Variants in PDGFRB observed in about 807,000 individuals in gnomAD.
PDGFRB encodes platelet derived growth factor receptor beta.
Under a neutral mutation model 120.2 loss-of-function variants are expected in PDGFRB, and 42 were observed. The ratio of observed to expected loss-of-function variants is 0.35; its 90% confidence interval spans 0.27 to 0.45. The LOEUF is 0.45. PDGFRB is among the 20% of genes least tolerant of loss of function. The pLI is 1.00. For synonymous variants in PDGFRB, 586 were observed against 606.8 expected (o/e 0.97, Z 0.50); for missense variants, 1,149 against 1,476.3 (o/e 0.78, Z 3.63).
In PDGFRB at chr5:150,119,521, T is replaced by C. The variant is rs754345719; in HGVS notation, c.2744A>G (p.Asn915Ser). 3.1e-6 allele frequency: 5 copies of C among 1,613,408 alleles called. No individual in the cohort carries two copies. The highest frequency in any genetic ancestry group is 2.7e-5 in the African/African-American group (2 of 74,914). Residue 915 changes from asparagine to serine, a missense_variant, in exon 20 of 23, where the codon AAT (asparagine) becomes AGT (serine). By Grantham distance (46) the Asn-to-Ser change is conservative. Transcript: ENST00000261799. ...PELPMNEQFY[N>S]AIKRGYRMAQ... is the part of the protein sequence containing the mutation. ...CATGCGGTAACCCCGTTTGATGGCA[T>C]TGTAGAACTGCTCGTTCATGGGCAG...
intron 8 of PDGFRB, among the ~76,000 whole-genome samples, chr5:150,131,241 C>A (rs1350434616): frequency 6.6e-6 from 1 of 152,160 alleles, no homozygotes; most frequent in Non-Finnish European, 1.5e-5. Flanking sequence ...CTTCTCCCAG[C>A]CCCCACTGCC....
chr5:150,127,853 A>C (rs894014954), intron 10 of PDGFRB, among the ~76,000 whole-genome samples: 2 of 151,030 alleles, frequency 1.3e-5, no homozygotes, highest in Non-Finnish European at 3.0e-5. Flanking sequence ...AAAAAAAAAA[A>C]AAAAAACTTT....
Position 150,120,762 on chromosome 5 carries a change from C to A in PDGFRB, c.2586+126G>T. On this transcript the variant is annotated intron_variant, in intron 18 of 22. Transcript: ENST00000261799. This position sits in a 1 kb window ranked among gnomAD's most constrained non-coding sequence, Gnocchi z 4.3. ...GGCAGGCACAGCCCATCACTGCTGT[C>A]AGGGCAGGCCACAAGGAGCCCCACA... 1.1e-6 allele frequency: 1 copy of A among 892,272 alleles called. No homozygotes were observed. Among genetic ancestry groups the A allele is most frequent in the South Asian group, 1.6e-5 (1 of 62,304 alleles). The allele number at this position is 892,272 out of a possible 1,614,324, so 55.3% of individuals were successfully genotyped here.
At chr5:150,154,840 G>A (rs1470550332) in intron 1 of PDGFRB, among the ~76,000 whole-genome samples, 2 of 152,194 alleles carry the variant, frequency 1.3e-5, no homozygotes, top group African/African-American at 4.8e-5. Flanking sequence ...AACTTTCCTA[G>A]CCCTCAAACT....
At chr5:150,119,911 G>C (rs1760075142) in intron 19 of PDGFRB, 101 bp downstream of exon 19, 1 of 740,554 alleles carries the variant, frequency 1.4e-6, no homozygotes, top group African/African-American at 1.7e-5. Flanking sequence ...CAGGATCCCT[G>C]TATCAGGGCT....
At chr5:150,117,534 G>A (rs967859141) in intron 22 of PDGFRB, 84 bp downstream of exon 22, 15 of 646,372 alleles carry the variant, frequency 2.3e-5, no homozygotes, top group South Asian at 5.7e-5. Context: ...GGCAGCGCGC[G>A]CGCGCGCGCG....
intron 20 of PDGFRB, 147 bp downstream of exon 20, chr5:150,119,320 C>T (rs1004085869): frequency 1.0e-5 from 7 of 671,778 alleles, no homozygotes; most frequent in Middle Eastern, 2.5e-4. Flanking sequence ...GTTCCTGATG[C>T]CATCCTTTGA....
intron 14 of PDGFRB, among the ~76,000 whole-genome samples, chr5:150,123,660 C>T (rs1408066718): frequency 1.3e-5 from 2 of 152,202 alleles, no homozygotes; most frequent in African/African-American, 4.8e-5. Flanking sequence ...GATATCTACA[C>T]AAACGAAAAT....
chr5:150,132,695 GGCGGC>G lies in PDGFRB; in HGVS notation c.1127+50_1127+54del, dbSNP rs1580807636. Reference sequence around the variant, plus strand: ...TGTGGCTGAAAGCCGAGGGCTGCCTGGCGGCTGCAAAGAAAAATAACTTCAAGAAT... The same window carrying G: ...TGTGGCTGAAAGCCGAGGGCTGCCTGTGCAAAGAAAAATAACTTCAAGAAT... On this transcript the variant is annotated intron_variant, in intron 7 of 22. Transcript: ENST00000261799. The surrounding 1 kb of genome is among the most constrained non-coding windows in gnomAD (Gnocchi z 5.0). 8.5e-6 allele frequency: 13 copies of G among 1,523,820 alleles called. No homozygotes were observed. In the East Asian group the frequency reaches 3.0e-4, roughly 35 times the overall value. 94.4% of individuals were successfully genotyped at this position (1,523,820 alleles called of 1,614,324 possible). A position where few individuals can be genotyped will look rare whatever the true frequency, so the allele number is the denominator to read the frequency against.
chr5:150,150,883 G>A (rs1355916227), intron 1 of PDGFRB, among the ~76,000 whole-genome samples: 3 of 152,150 alleles, frequency 2.0e-5, no homozygotes, highest in East Asian at 3.9e-4. Context: ...AGCACTGGAA[G>A]AGACCTAAAG....
chr5:150,130,726 CAGGG>C (rs1760442014), intron 8 of PDGFRB, 64 bp from the exon 9 acceptor site: 23 of 1,477,118 alleles, frequency 1.6e-5, no homozygotes, highest in Non-Finnish European at 1.9e-5. Flanking sequence ...GACAGGTCCT[CAGGG>C]GAGGACCTGG....
intron 1 of PDGFRB, among the ~76,000 whole-genome samples, chr5:150,146,467 C>T (rs1378266804): frequency 1.3e-5 from 2 of 152,214 alleles, no homozygotes; most frequent in Non-Finnish European, 2.9e-5. Context: ...CTTTTGGTAA[C>T]TTTCCCAAGG....
In PDGFRB at chr5:150,113,875, T is replaced by G. The variant is rs1759835814; in HGVS notation, c.*1888A>C. ...AGCACCAGGTTTAATATTAAAATCTTTCCCTTAAAAAAAAGTACACAGATA... is the reference window on the plus strand; with the variant it reads ...AGCACCAGGTTTAATATTAAAATCTGTCCCTTAAAAAAAAGTACACAGATA... On this transcript the variant is annotated 3_prime_UTR_variant, in exon 23 of 23. Coordinates refer to ENST00000261799, the MANE Select transcript of PDGFRB (RefSeq NM_002609.4). The G allele has an allele frequency of 4.3e-6, 1 of 231,934 alleles. No homozygotes were observed. Among genetic ancestry groups the G allele is most frequent in the African/African-American group, 2.2e-5 (1 of 45,242 alleles). 14.4% of individuals were successfully genotyped at this position (231,934 alleles called of 1,614,324 possible).
intron 1 of PDGFRB, among the ~76,000 whole-genome samples, chr5:150,143,380 G>C (rs1055652514): frequency 1.3e-5 from 2 of 152,160 alleles, no homozygotes; most frequent in African/African-American, 4.8e-5. Context: ...AGCACTTTCA[G>C]GGCTGACATG....
intron 1 of PDGFRB, among the ~76,000 whole-genome samples, chr5:150,143,457 G>A (rs1760835363): frequency 6.6e-6 from 1 of 152,214 alleles, no homozygotes; most frequent in African/African-American, 2.4e-5. Context: ...GCTCGGGGTG[G>A]GGGTGCTGGG....
At chr5:150,135,486 TG>T in intron 3 of PDGFRB, 68 bp downstream of exon 3, 1 of 988,156 alleles carries the variant, frequency 1.0e-6, no homozygotes, top group Non-Finnish European at 1.5e-6. Flanking sequence ...AAGCACTCTC[TG>T]GACTTCCCCT....
rs1009638728 is a variant in PDGFRB, at chr5:150,132,937, C to T, written c.940G>A (p.Gly314Ser). The T allele has an allele frequency of 7.1e-6, 11 of 1,557,962 alleles. No individual in the cohort carries two copies. Among genetic ancestry groups the T allele is most frequent in the South Asian group, 1.2e-5 (1 of 84,704 alleles). Residue 314 changes from glycine to serine, a missense_variant, in exon 7 of 23, where the codon GGC (glycine) becomes AGC (serine). This residue lies in a region of PDGFRB where 879 missense variants were observed against 1,108.6 expected (regional missense o/e 0.79). Transcript: ENST00000261799. This position sits in a 1 kb window ranked among gnomAD's most constrained non-coding sequence, Gnocchi z 5.0. ...ACCTCTCCCAGGAGCCGCACGTAGC[C>T]GCTCTCTGCAAGGGGTGACCGTCAG... ...KAINITVVES[G>S]YVRLLGEVGT... is the part of the protein sequence containing the mutation.
At position 150,120,128 on chromosome 5, in the gene PDGFRB, A is replaced by G. The variant is rs758524703; in HGVS notation, c.2587-5T>C. The G allele has an allele frequency of 7.4e-5, 99 of 1,340,650 alleles. 1 individual carries two copies. In the South Asian group the frequency reaches 9.3e-4, roughly 13 times the overall value. The allele number at this position is 1,340,650 out of a possible 1,614,324, so 83.0% of individuals were successfully genotyped here. A position where few individuals can be genotyped will look rare whatever the true frequency, so the allele number is the denominator to read the frequency against. ...CCACTTTAAAGGCAAAAAGGTCTGT[A>G]GGGAGGTCAGGACAGGTGCTGAGTG... On this transcript the variant is annotated splice_polypyrimidine_tract_variant and splice_region_variant and intron_variant, in intron 18 of 22. Coordinates refer to ENST00000261799, the MANE Select transcript of PDGFRB (RefSeq NM_002609.4). This position sits in a 1 kb window ranked among gnomAD's most constrained non-coding sequence, Gnocchi z 4.3.
At position 150,117,833 on chromosome 5, in the gene PDGFRB, A is replaced by T. The variant is rs745486517; in HGVS notation, c.2922T>A (p.Asp974Glu). The T allele has an allele frequency of 9.3e-6, 15 of 1,609,368 alleles. No homozygotes were observed. Among genetic ancestry groups the T allele is most frequent in the Non-Finnish European group, 1.3e-5 (15 of 1,176,190 alleles). Reference protein sequence around the residue: ...EGYKKKYQQVDEEFLRSDHPA... With the variant: ...EGYKKKYQQVEEEFLRSDHPA... ...GGTGGTCACTCCTCAGAAACTCCTC[A>T]TCCACCTGCTGGTACTTCTGCTCCC... is the stretch of plus-strand genomic sequence containing the variant. Residue 974 changes from aspartate to glutamate, a missense_variant, in exon 22 of 23, where the codon GAT becomes GAA. By Grantham distance (45) the Asp-to-Glu change is conservative. Around this residue, in one of 3 missense-constraint regions of PDGFRB, gnomAD observed 202 missense variants for 214.3 expected, o/e 0.94. Transcript: ENST00000261799.
Sources: gnomAD v4.1 joint callset for allele counts (sites outside exome capture counted in the v4.1 genomes callset) on GRCh38, gnomAD v4.1.1 for gene constraint, gnomAD v4.1.1 regional missense constraint, Gnocchi (gnomAD v3.1) non-coding constraint, MANE v1.5 for transcripts, NCBI Gene and HGNC (gene_info 2026-07-23, HGNC 2026-07-21) for gene names.